Variants in INIP observed in about 807,000 individuals in gnomAD.
The protein encoded by INIP is SOSS complex subunit C.
INIP carries 9 observed loss-of-function variants against 14.0 expected under a neutral mutation model. That is an observed-to-expected ratio of 0.64 (90% CI 0.39 to 1.12). INIP has a LOEUF of 1.12. Among genes scored for constraint, INIP ranks in the 50% most tolerant of loss-of-function variants. The pLI, the probability that INIP is intolerant of heterozygous loss-of-function variation, is 0.01. For missense variants in INIP, 78 were observed against 122.7 expected, an observed-to-expected ratio of 0.64 and a Z score of 1.72; for synonymous variants, 37 against 41.5, an observed-to-expected ratio of 0.89 and a Z score of 0.41.
chr9:112,687,677 G>C lies in INIP; in HGVS notation c.220-44C>G, dbSNP rs762378206. 3 of 1,148,878 alleles carry C rather than the reference G, an allele frequency of 2.6e-6. No individual in the cohort carries two copies. The South Asian group carries it at 4.9e-5, about 19-fold the overall frequency. The allele number at this position is 1,148,878 out of a possible 1,614,324, so 71.2% of individuals were successfully genotyped here. ...AAAAAGGCAATTAAGCTATTAAATA[G>C]AGTCACAATTCTTCGACCAAGGCAT... is the stretch of plus-strand genomic sequence containing the variant. On this transcript the variant is annotated intron_variant, in intron 4 of 4. Coordinates refer to ENST00000374242, the MANE Select transcript of INIP (RefSeq NM_021218.3).
intron 2 of INIP, among the ~76,000 whole-genome samples, chr9:112,710,849 C>G (rs925904798): frequency 4.6e-5 from 7 of 151,980 alleles, no homozygotes; most frequent in Admixed American, 1.3e-4. Flanking sequence ...CTTATACATA[C>G]AAACAGTACA....
chr9:112,708,510 A>C (rs970288058), intron 2 of INIP, among the ~76,000 whole-genome samples: 1 of 152,196 alleles, frequency 6.6e-6, no homozygotes, highest in Non-Finnish European at 1.5e-5. Flanking sequence ...GGAATGAGGA[A>C]GAAGGTGTCA....
intron 2 of INIP, among the ~76,000 whole-genome samples, chr9:112,713,200 C>T (rs140612484): frequency 4.1e-4 from 63 of 152,238 alleles, no homozygotes; most frequent in African/African-American, 1.4e-3. Flanking sequence ...ATAAGTACAA[C>T]GAAAGTGCTC....
intron 4 of INIP, among the ~76,000 whole-genome samples, chr9:112,688,085 C>CAAAA (rs1554737476): frequency 1.4e-5 from 2 of 145,632 alleles, no homozygotes; most frequent in Non-Finnish European, 1.5e-5. Context: ...GACTCCATCT[C>CAAAA]AAATAAATAA....
chr9:112,702,422 A>C (rs1838327300), intron 2 of INIP, among the ~76,000 whole-genome samples: 1 of 152,176 alleles, frequency 6.6e-6, no homozygotes, highest in Admixed American at 6.5e-5. Context: ...TATTTTTTAA[A>C]GTGTACAGTC....
At chr9:112,706,088 A>G (rs949829121) in intron 2 of INIP, among the ~76,000 whole-genome samples, 1 of 152,066 alleles carries the variant, frequency 6.6e-6, no homozygotes, top group Non-Finnish European at 1.5e-5. Context: ...GAAATAATGC[A>G]ATATGAAAAA....
chr9:112,715,133 TACACACACAC>T (rs58647648), intron 2 of INIP, among the ~76,000 whole-genome samples: 10,806 of 133,432 alleles, frequency 0.081, 430 homozygotes, highest in Non-Finnish European at 0.098. Context: ...CATACATACA[TACACACACAC>T]ACACACACAC....
chr9:112,707,114 T>C (rs1264404692), intron 2 of INIP, among the ~76,000 whole-genome samples: 1 of 151,966 alleles, frequency 6.6e-6, no homozygotes, highest in East Asian at 1.9e-4. Context: ...TAATTTTGTA[T>C]TTTTAGTAGA....
In INIP at chr9:112,684,699, A is replaced by G. The variant is rs533380930; in HGVS notation, c.*2839T>C. 1 of 152,368 alleles carries G rather than the reference A, an allele frequency of 6.6e-6. No homozygotes were observed. The highest frequency in any genetic ancestry group is 6.5e-5 in the Admixed American group (1 of 15,302). 9.4% of individuals were successfully genotyped at this position (152,368 alleles called of 1,614,324 possible). On this transcript the variant is annotated 3_prime_UTR_variant, in exon 5 of 5. Transcript: ENST00000374242. Reference sequence around the variant, plus strand: ...AAATGCTGGTCAATCCTGTTAAACCATTAAGTTGGCTTCTCAACTCAGTAA... The same window carrying G: ...AAATGCTGGTCAATCCTGTTAAACCGTTAAGTTGGCTTCTCAACTCAGTAA...
At position 112,692,553 on chromosome 9, in the gene INIP, G is replaced by T. The variant is rs1218121084; in HGVS notation, c.128+1578C>A. On this transcript the variant is annotated intron_variant, in intron 3 of 4. Transcript: ENST00000374242. ...CCCACCTTAGCCTCCCAAAATGCTG[G>T]GATTACAGGCGTGAGCCACCATGCC... Among the ~76,000 whole-genome samples the T allele has an allele frequency of 2.8e-4, 43 of 151,954 alleles. 1 individual carries two copies. The highest frequency in any genetic ancestry group is 2.8e-3 in the Admixed American group (43 of 15,244).
At chr9:112,696,525 C>A (rs957158641) in intron 2 of INIP, among the ~76,000 whole-genome samples, 3 of 152,202 alleles carry the variant, frequency 2.0e-5, no homozygotes, top group Admixed American at 1.3e-4. Context: ...TCAGTGGACA[C>A]CAGCTGAGTG....
At position 112,690,315 on chromosome 9, in the gene INIP, ACC is replaced by A. The variant is rs200661187; in HGVS notation, c.129-700_129-699del. ...AGACCAGCCTGGGCAATACAGTGAG[ACC>A]CCATCTCTACAAAAACAAGATTAAC... On this transcript the variant is annotated intron_variant, in intron 3 of 4. Coordinates refer to ENST00000374242, the MANE Select transcript of INIP (RefSeq NM_021218.3). Among the ~76,000 whole-genome samples the A allele has an allele frequency of 8.5e-3, 1,299 of 152,132 alleles. 9 individuals carry two copies. Among genetic ancestry groups the A allele is most frequent in the Non-Finnish European group, 0.014 (960 of 67,990 alleles).
At chr9:112,692,026 AAAAAG>A (rs1176614404) in intron 3 of INIP, among the ~76,000 whole-genome samples, 1 of 151,602 alleles carries the variant, frequency 6.6e-6, no homozygotes, top group African/African-American at 2.4e-5. Context: ...AAAAAAGAAA[AAAAAG>A]AAAAGAAAGA....
rs954019626 is a variant in INIP, at chr9:112,700,972, G to GAT, written c.26-6741_26-6740dup. ...TCTCAAAAAGAAAAAACAGAAAACA[G>GAT]ATATATATATATAAAATTTCCTTTG... On this transcript the variant is annotated intron_variant, in intron 2 of 4. Coordinates refer to ENST00000374242, the MANE Select transcript of INIP (RefSeq NM_021218.3). 2.0e-4 allele frequency among the ~76,000 whole-genome samples: 30 copies of GAT among 151,852 alleles called. 1 individual carries two copies. Among genetic ancestry groups the GAT allele is most frequent in the African/African-American group, 5.1e-4 (21 of 41,434 alleles).
chr9:112,712,417 GT>G (rs1838675140), intron 2 of INIP, among the ~76,000 whole-genome samples: 1 of 151,994 alleles, frequency 6.6e-6, no homozygotes, highest in African/African-American at 2.4e-5. Flanking sequence ...TTTCCACAAT[GT>G]CCAGTACCCA....
chr9:112,693,597 T>C (rs1327137944), intron 3 of INIP, among the ~76,000 whole-genome samples: 1 of 152,244 alleles, frequency 6.6e-6, no homozygotes, highest in African/African-American at 2.4e-5. Context: ...TTTGTTTTTC[T>C]CTTGTTAATC....
intron 2 of INIP, among the ~76,000 whole-genome samples, chr9:112,713,071 T>C (rs2131316352): frequency 1.3e-5 from 2 of 152,304 alleles, no homozygotes; most frequent in Middle Eastern, 6.8e-3. Context: ...ACAAAGGACT[T>C]GTATCCAGAC....
At chr9:112,704,864 C>T (rs1838408368) in intron 2 of INIP, among the ~76,000 whole-genome samples, 1 of 152,070 alleles carries the variant, frequency 6.6e-6, no homozygotes, top group Admixed American at 6.6e-5. Flanking sequence ...AATCCCAGCA[C>T]CTTGGGAGGC....
chr9:112,696,274 C>G (rs905201412), intron 2 of INIP, among the ~76,000 whole-genome samples: 1 of 152,004 alleles, frequency 6.6e-6, no homozygotes, highest in Non-Finnish European at 1.5e-5. Flanking sequence ...ATCCCTTTTT[C>G]CTGCCTGATC....
Sources: allele counts gnomAD v4.1 joint callset (sites outside exome capture counted in the v4.1 genomes callset), GRCh38; gene constraint gnomAD v4.1.1; transcripts MANE v1.5; gene names NCBI Gene and HGNC (gene_info 2026-07-23, HGNC 2026-07-21).